Variants in LRFN5 observed in about 807,000 individuals in gnomAD.
LRFN5 encodes the protein leucine-rich repeat and fibronectin type-III domain-containing protein 5.
LRFN5 carries 24 observed loss-of-function variants against 45.6 expected under a neutral mutation model. That is an observed-to-expected ratio of 0.53 (90% confidence interval 0.38 to 0.74). The LOEUF is 0.74. Among genes scored for constraint, LRFN5 ranks in the 30% least tolerant of loss-of-function variants. LRFN5 has a pLI of 0.00. For missense variants in LRFN5, 776 were observed against 861.5 expected (o/e 0.90, Z 1.24); for synonymous variants, 340 against 313.8 (o/e 1.08, Z -0.88).
chr14:41,768,883 A>G (rs1885981620), intron 2 of LRFN5, among the ~76,000 whole-genome samples: 1 of 152,190 alleles, frequency 6.6e-6, no homozygotes, highest in African/African-American at 2.4e-5. Context: ...ATCAAGGCCA[A>G]AAGATTTTCT....
In LRFN5 at chr14:41,607,218, G is replaced by A. The variant is rs146271639; in HGVS notation, c.-1541G>A. Among the ~76,000 whole-genome samples the A allele has an allele frequency of 1.8e-4, 27 of 152,230 alleles. No individual in the cohort carries two copies. Among genetic ancestry groups the A allele is most frequent in the Middle Eastern group, 3.4e-3 (1 of 294 alleles). Reference sequence around the variant, plus strand: ...GATGTGAATTGTTTAGCAGCTGGCTGCTCCCTTAGGATCCTTGACTTTGGG... The same window carrying A: ...GATGTGAATTGTTTAGCAGCTGGCTACTCCCTTAGGATCCTTGACTTTGGG... On this transcript the variant is annotated 5_prime_UTR_variant, in exon 1 of 6. Transcript: ENST00000298119.
At chr14:41,747,477 A>G (rs75799349) in intron 1 of LRFN5, among the ~76,000 whole-genome samples, 1,728 of 152,150 alleles carry the variant, frequency 0.011, 27 homozygotes, top group African/African-American at 0.039. Flanking sequence ...AAAACATGCA[A>G]AATAATTAAG....
intron 1 of LRFN5, among the ~76,000 whole-genome samples, chr14:41,726,993 C>A (rs1284068236): frequency 2.0e-5 from 3 of 152,094 alleles, no homozygotes; most frequent in Non-Finnish European, 4.4e-5. Flanking sequence ...AATTTTGTTG[C>A]AAAACGAGGT....
At chr14:41,856,796 C>T (rs1594470165) in intron 2 of LRFN5, among the ~76,000 whole-genome samples, 2 of 145,002 alleles carry the variant, frequency 1.4e-5, no homozygotes, top group South Asian at 4.4e-4. Flanking sequence ...CCTGCCTCAG[C>T]CTCCCGAGTA....
intron 1 of LRFN5, among the ~76,000 whole-genome samples, chr14:41,747,838 T>C (rs1414104853): frequency 2.6e-5 from 4 of 151,912 alleles, no homozygotes; most frequent in African/African-American, 7.2e-5. Flanking sequence ...AATTCAAAAA[T>C]AGATGAAGGC....
At chr14:41,822,156 T>G (rs898232980) in intron 2 of LRFN5, among the ~76,000 whole-genome samples, 2 of 152,004 alleles carry the variant, frequency 1.3e-5, no homozygotes, top group East Asian at 1.9e-4. Flanking sequence ...TCAATTTTAT[T>G]GAATTTTTCT....
chr14:41,670,514 G>A (rs1566612657), intron 1 of LRFN5, among the ~76,000 whole-genome samples: 1 of 151,070 alleles, frequency 6.6e-6, no homozygotes. Flanking sequence ...ATATCCCTTT[G>A]AGAAATTCAA....
chr14:41,900,946 C>T (rs1319543063), intron 5 of LRFN5, among the ~76,000 whole-genome samples: 3 of 151,978 alleles, frequency 2.0e-5, no homozygotes, highest in South Asian at 2.1e-4. Context: ...CCGAGTTTTC[C>T]GTAGCCAGTC....
At chr14:41,664,864 A>G (rs910579537) in intron 1 of LRFN5, among the ~76,000 whole-genome samples, 1 of 151,990 alleles carries the variant, frequency 6.6e-6, no homozygotes, top group African/African-American at 2.4e-5. Flanking sequence ...TGGGCCACAC[A>G]AATCAATACA....
At chr14:41,756,591 A>T (rs1398542892) in intron 1 of LRFN5, among the ~76,000 whole-genome samples, 2 of 151,960 alleles carry the variant, frequency 1.3e-5, no homozygotes, top group Non-Finnish European at 2.9e-5. Flanking sequence ...TTCTCGTGCC[A>T]TGGTTTTCAT....
chr14:41,620,247 G>A (rs1001349687), intron 1 of LRFN5, among the ~76,000 whole-genome samples: 10 of 152,010 alleles, frequency 6.6e-5, no homozygotes, highest in African/African-American at 2.4e-4. Flanking sequence ...CAGATCTACA[G>A]TAACTAACTA....
At chr14:41,641,873 C>G (rs1016821192) in intron 1 of LRFN5, among the ~76,000 whole-genome samples, 12 of 152,196 alleles carry the variant, frequency 7.9e-5, no homozygotes, top group East Asian at 7.7e-4. Flanking sequence ...AATATTTCTC[C>G]TTTTTGAAAA....
At chr14:41,851,545 A>C (rs1183245899) in intron 2 of LRFN5, among the ~76,000 whole-genome samples, 2 of 151,810 alleles carry the variant, frequency 1.3e-5, no homozygotes, top group Admixed American at 1.3e-4. Context: ...GTCTACAGGT[A>C]CTTTTTTACA....
At chr14:41,725,943 A>G (rs1240485842) in intron 1 of LRFN5, among the ~76,000 whole-genome samples, 1 of 152,198 alleles carries the variant, frequency 6.6e-6, no homozygotes, top group Non-Finnish European at 1.5e-5. Context: ...TTTACCTCTT[A>G]TCTCCTAAAC....
At chr14:41,724,424 A>G (rs530114507) in intron 1 of LRFN5, among the ~76,000 whole-genome samples, 27 of 152,314 alleles carry the variant, frequency 1.8e-4, no homozygotes, top group Admixed American at 1.0e-3. Flanking sequence ...CCTTTGAAAC[A>G]CATTAGGATA....
chr14:41,802,593 A>T (rs1046828224), intron 2 of LRFN5, among the ~76,000 whole-genome samples: 1 of 152,178 alleles, frequency 6.6e-6, no homozygotes, highest in Non-Finnish European at 1.5e-5. Context: ...CTGTCACCAT[A>T]GAATAATTTA....
intron 2 of LRFN5, among the ~76,000 whole-genome samples, chr14:41,876,940 A>T (rs1184600753): frequency 1.3e-5 from 2 of 152,194 alleles, no homozygotes; most frequent in Non-Finnish European, 2.9e-5. Flanking sequence ...AGAGAGACAA[A>T]GAAAATAAAC....
intron 1 of LRFN5, among the ~76,000 whole-genome samples, chr14:41,662,399 T>A: frequency 6.6e-6 from 1 of 151,852 alleles, no homozygotes; most frequent in East Asian, 1.9e-4. Flanking sequence ...AAATAAGAGA[T>A]TATTTTGTAC....
At chr14:41,899,681 A>T (rs1015109573) in intron 5 of LRFN5, among the ~76,000 whole-genome samples, 3 of 152,108 alleles carry the variant, frequency 2.0e-5, no homozygotes, top group Non-Finnish European at 4.4e-5. Context: ...AACAGTTCTA[A>T]AAAAGGCCAT....
Sources: allele counts gnomAD v4.1 joint callset (sites outside exome capture counted in the v4.1 genomes callset), GRCh38; gene constraint gnomAD v4.1.1; transcripts MANE v1.5; gene names NCBI Gene and HGNC (gene_info 2026-07-23, HGNC 2026-07-21).